Variants in PCDHGA12 observed in about 807,000 individuals in gnomAD.
PCDHGA12 encodes protocadherin gamma-A12.
A neutral mutation model predicts 61.1 loss-of-function variants in PCDHGA12; 43 were observed. The observed-to-expected ratio is 0.70, with a 90% CI of 0.55 to 0.91. The LOEUF is 0.91. PCDHGA12 is among the 40% of genes least tolerant of loss of function. The pLI, the probability that PCDHGA12 is intolerant of heterozygous loss-of-function variation, is 0.00. For missense variants in PCDHGA12, 1,236 were observed against 1,227.7 expected (o/e 1.01, Z -0.10); for synonymous variants, 520 against 542.9 (o/e 0.96, Z 0.59).
In PCDHGA12 at chr5:141,432,887, T is replaced by G. The variant is rs146168033; in HGVS notation, c.2128T>G (p.Leu710Val). 2.8e-4 allele frequency: 451 copies of G among 1,614,156 alleles called. No individual in the cohort carries two copies. In the African/African-American group the frequency reaches 4.6e-3, roughly 17 times the overall value. ...VSCVFLAFVI[L>V]LLALRLRRWH... ...CTGCGTCTTCCTGGCCTTCGTCATC[T>G]TGCTGCTGGCGCTCAGGCTGCGGCG... is the stretch of plus-strand genomic sequence containing the variant. Residue 710 changes from leucine (L) to valine (V), a missense_variant, in exon 1 of 4, where the codon TTG becomes GTG. Physicochemically the swap from Leu to Val is conservative, Grantham distance 32. Transcript: ENST00000252085. The surrounding 1 kb of genome is among the most constrained non-coding windows in gnomAD (Gnocchi z 6.0).
intron 1 of PCDHGA12, among the ~76,000 whole-genome samples, chr5:141,458,988 C>G (rs996478276): frequency 6.6e-6 from 1 of 152,208 alleles, no homozygotes; most frequent in African/African-American, 2.4e-5. Flanking sequence ...CTGCCTCACC[C>G]TCCCAAAGTG....
At chr5:141,449,252 T>C (rs1401555556) in intron 1 of PCDHGA12, among the ~76,000 whole-genome samples, 1 of 152,144 alleles carries the variant, frequency 6.6e-6, no homozygotes, top group Non-Finnish European at 1.5e-5. Flanking sequence ...GTTGCAAGAA[T>C]TGTACAAAGA....
intron 1 of PCDHGA12, chr5:141,478,878 T>A: frequency 8.0e-7 from 1 of 1,250,194 alleles, no homozygotes; most frequent in Non-Finnish European, 1.1e-6. Flanking sequence ...GAGTTTAGCT[T>A]GGTATCATTT....
chr5:141,489,597 A>T lies in PCDHGA12; in HGVS notation c.2425-5210A>T. The T allele has an allele frequency of 6.2e-7, 1 of 1,614,100 alleles. No individual in the cohort carries two copies. Among genetic ancestry groups the T allele is most frequent in the African/African-American group, 1.3e-5 (1 of 75,040 alleles). ...AACACCCCCTGGAGCTAATCCGTGT[A>T]GAGGTAGAGATCCTGGATCTCAATG... On this transcript the variant is annotated intron_variant, in intron 1 of 3. Transcript: ENST00000252085. The surrounding 1 kb of genome is among the most constrained non-coding windows in gnomAD (Gnocchi z 4.5).
chr5:141,451,326 G>T (rs189445228), intron 1 of PCDHGA12, among the ~76,000 whole-genome samples: 3 of 152,278 alleles, frequency 2.0e-5, no homozygotes, highest in Admixed American at 2.0e-4. Context: ...GTCACCTAAG[G>T]CTATTGTCTT....
intron 2 of PCDHGA12, among the ~76,000 whole-genome samples, chr5:141,496,775 GCAGGGCC>G (rs1025427712): frequency 6.6e-6 from 1 of 152,038 alleles, no homozygotes; most frequent in Non-Finnish European, 1.5e-5. Flanking sequence ...TCTACTATGA[GCAGGGCC>G]CTGTGCTAAA....
intron 3 of PCDHGA12, among the ~76,000 whole-genome samples, chr5:141,505,868 G>T (rs2099848820): frequency 6.6e-6 from 1 of 152,170 alleles, no homozygotes; most frequent in Admixed American, 6.5e-5. Context: ...GGACCCCAAA[G>T]GGTTGTTGTA....
intron 1 of PCDHGA12, chr5:141,475,934 G>C (rs754356530): frequency 3.0e-6 from 2 of 665,118 alleles, no homozygotes; most frequent in Non-Finnish European, 5.0e-6. Context: ...TCGGGCCCCT[G>C]CCCGTCCCCT....
intron 1 of PCDHGA12, among the ~76,000 whole-genome samples, chr5:141,446,182 G>A (rs1411996595): frequency 6.6e-6 from 1 of 152,118 alleles, no homozygotes; most frequent in African/African-American, 2.4e-5. Flanking sequence ...GGGGTGTTTT[G>A]TTTATTATTA....
At chr5:141,503,916 C>T (rs1372491893) in intron 2 of PCDHGA12, among the ~76,000 whole-genome samples, 1 of 152,246 alleles carries the variant, frequency 6.6e-6, no homozygotes, top group African/African-American at 2.4e-5. Context: ...CAACGCAACA[C>T]ACACACAGAC....
intron 1 of PCDHGA12, among the ~76,000 whole-genome samples, chr5:141,470,256 A>G (rs1043528709): frequency 6.6e-6 from 1 of 152,228 alleles, no homozygotes; most frequent in African/African-American, 2.4e-5. Flanking sequence ...ACCTGTCTAA[A>G]TGGAGATACA....
chr5:141,456,353 G>A (rs1041991824), intron 1 of PCDHGA12, among the ~76,000 whole-genome samples: 2 of 152,120 alleles, frequency 1.3e-5, no homozygotes, highest in South Asian at 2.1e-4. Context: ...GAAGAATGGC[G>A]TCCATGTGTG....
rs2099748976 is a variant in PCDHGA12, at chr5:141,493,566, C to G, written c.2425-1241C>G. Among the ~76,000 whole-genome samples, 1 of 152,168 alleles carries G rather than the reference C, an allele frequency of 6.6e-6. No individual in the cohort carries two copies. Among genetic ancestry groups the G allele is most frequent in the African/African-American group, 2.4e-5 (1 of 41,436 alleles). ...TTTTGGAGATTGAGTTCCCCCAGCT[C>G]CGTTTCCTCCTATCACAATCACTGC... is the stretch of plus-strand genomic sequence containing the variant. On this transcript the variant is annotated intron_variant, in intron 1 of 3. Transcript: ENST00000252085. The surrounding 1 kb of genome is among the most constrained non-coding windows in gnomAD (Gnocchi z 4.3).
chr5:141,507,619 G>T (rs1237918589), intron 3 of PCDHGA12, among the ~76,000 whole-genome samples: 22 of 152,256 alleles, frequency 1.4e-4, no homozygotes, highest in Admixed American at 1.4e-3. Context: ...ATATTTAGCT[G>T]TTGTGGCCTT....
At position 141,468,868 on chromosome 5, in the gene PCDHGA12, A is replaced by AAAT. The variant is rs993655754; in HGVS notation, c.2425-25921_2425-25919dup. Among the ~76,000 whole-genome samples, 30 of 151,912 alleles carry AAAT rather than the reference A, an allele frequency of 2.0e-4. No homozygotes were observed. The East Asian group carries it at 4.3e-3, about 22-fold the overall frequency. On this transcript the variant is annotated intron_variant, in intron 1 of 3. Coordinates refer to ENST00000252085, the MANE Select transcript of PCDHGA12 (RefSeq NM_003735.3). ...GCAACAGAGCGAGACTCCATCTCAAAAATAATAATAATAATAATAAGGTAC... is the reference window on the plus strand; with the variant it reads ...GCAACAGAGCGAGACTCCATCTCAAAAATAATAATAATAATAATAATAAGGTAC...
chr5:141,489,066 C>G lies in PCDHGA12; in HGVS notation c.2425-5741C>G. The stretch of plus-strand genomic sequence containing the variant: ...CACTCAAATTCAGCTCCCCTCCCCC[C>G]TGCCCACCCCCGCCACTCGGTGACT... On this transcript the variant is annotated intron_variant, in intron 1 of 3. Transcript: ENST00000252085. This position sits in a 1 kb window ranked among gnomAD's most constrained non-coding sequence, Gnocchi z 4.5. 1 of 391,132 alleles carries G rather than the reference C, an allele frequency of 2.6e-6. No individual in the cohort carries two copies. Among genetic ancestry groups the G allele is most frequent in the South Asian group, 4.2e-5 (1 of 24,028 alleles). 24.2% of individuals were successfully genotyped at this position (391,132 alleles called of 1,614,324 possible).
intron 1 of PCDHGA12, among the ~76,000 whole-genome samples, chr5:141,480,911 G>A (rs2154578422): frequency 6.6e-6 from 1 of 152,218 alleles, no homozygotes; most frequent in East Asian, 1.9e-4. Flanking sequence ...TGGGCATGGT[G>A]GCGCATACCT....
chr5:141,454,880 T>C (rs1561957456), intron 1 of PCDHGA12, among the ~76,000 whole-genome samples: 1 of 137,862 alleles, frequency 7.3e-6, no homozygotes, highest in Non-Finnish European at 1.5e-5. Flanking sequence ...CGATCTTGGC[T>C]CACTGCTAGC....
chr5:141,490,923 C>T lies in PCDHGA12; in HGVS notation c.2425-3884C>T. The T allele has an allele frequency of 6.2e-7, 1 of 1,613,668 alleles. No homozygotes were observed. Among genetic ancestry groups the T allele is most frequent in the South Asian group, 1.1e-5 (1 of 91,050 alleles). On this transcript the variant is annotated intron_variant, in intron 1 of 3. Coordinates refer to ENST00000252085, the MANE Select transcript of PCDHGA12 (RefSeq NM_003735.3). The surrounding 1 kb of genome is among the most constrained non-coding windows in gnomAD (Gnocchi z 5.4). ...TTGTCCTAGACGAGAATGATAATGC[C>T]CCAGCTGTGCTGCACCCACGGCCAG...
Sources: gnomAD v4.1 joint callset for allele counts (sites outside exome capture counted in the v4.1 genomes callset) on GRCh38, gnomAD v4.1.1 for gene constraint, Gnocchi (gnomAD v3.1) non-coding constraint, MANE v1.5 for transcripts, NCBI Gene and HGNC (gene_info 2026-07-23, HGNC 2026-07-21) for gene names.